The following CABCOCO1 variants were observed in gnomAD, a reference collection of about 807,000 sequenced individuals.
CABCOCO1 encodes ciliary associated calcium binding coiled-coil 1, also known as ciliary-associated calcium-binding coiled-coil protein 1.
Under a neutral mutation model 35.7 loss-of-function variants are expected in CABCOCO1, and 28 were observed. The observed-to-expected ratio is 0.78, with a 90% confidence interval of 0.58 to 1.07. The LOEUF (loss-of-function observed/expected upper bound fraction) is 1.07, where lower values mean the gene tolerates loss of function less well. Ranked by LOEUF, CABCOCO1 falls within the 50% of genes least tolerant of loss-of-function variation. The pLI is 0.00. For synonymous variants in CABCOCO1, 95 were observed against 100.1 expected (o/e 0.95, Z 0.30); for missense variants, 326 against 309.2 (o/e 1.05, Z -0.41).
At chr10:61,696,462 A>C (rs2132005879) in intron 5 of CABCOCO1, among the ~76,000 whole-genome samples, 1 of 152,204 alleles carries the variant, frequency 6.6e-6, no homozygotes, top group South Asian at 2.1e-4. Context: ...AGTCACTGGG[A>C]GAAAACATTT....
intron 2 of CABCOCO1, among the ~76,000 whole-genome samples, chr10:61,680,895 G>A (rs1376718066): frequency 6.6e-6 from 1 of 150,542 alleles, no homozygotes; most frequent in South Asian, 2.1e-4. Context: ...GAAGGGGAGA[G>A]AAGGAGGAGA....
chr10:61,718,381 G>A (rs1405147353), intron 5 of CABCOCO1, among the ~76,000 whole-genome samples: 1 of 152,088 alleles, frequency 6.6e-6, no homozygotes, highest in Non-Finnish European at 1.5e-5. Context: ...AGTCCAAAAA[G>A]TAGTCAATTC....
intron 5 of CABCOCO1, among the ~76,000 whole-genome samples, chr10:61,709,747 T>C (rs1005732645): frequency 2.0e-5 from 3 of 151,970 alleles, no homozygotes; most frequent in Non-Finnish European, 4.4e-5. Context: ...CCCTCATTTC[T>C]CTCATTTTTC....
At chr10:61,741,041 G>T (rs969374244) in intron 5 of CABCOCO1, among the ~76,000 whole-genome samples, 3 of 152,082 alleles carry the variant, frequency 2.0e-5, no homozygotes, top group African/African-American at 7.2e-5. Context: ...CTACTCGGGA[G>T]GCTGAGGCAA....
chr10:61,693,816 G>A (rs1177604767), intron 5 of CABCOCO1, among the ~76,000 whole-genome samples: 1 of 151,950 alleles, frequency 6.6e-6, no homozygotes, highest in African/African-American at 2.4e-5. Flanking sequence ...CAGGGTGTAG[G>A]AGATTCTATA....
chr10:61,708,278 C>T (rs1275244612), intron 5 of CABCOCO1, among the ~76,000 whole-genome samples: 3 of 150,864 alleles, frequency 2.0e-5, no homozygotes, highest in Non-Finnish European at 4.4e-5. Context: ...TAAGGTGTAC[C>T]TTTCTTTCCT....
At chr10:61,677,734 T>G (rs1455688164) in intron 2 of CABCOCO1, among the ~76,000 whole-genome samples, 1 of 150,974 alleles carries the variant, frequency 6.6e-6, no homozygotes, top group Non-Finnish European at 1.5e-5. Flanking sequence ...TGTGATGTTC[T>G]CCTTCCCGTG....
At position 61,695,948 on chromosome 10, in the gene CABCOCO1, G is replaced by C. The variant is rs1398354081; in HGVS notation, c.552+5327G>C. ...AGGAAATACTAATGGGTGCTCTCCA[G>C]GCATAAAGAAAATGATTCCAAACAG... On this transcript the variant is annotated intron_variant, in intron 5 of 7. Transcript: ENST00000648843. Among the ~76,000 whole-genome samples, 3 of 151,908 alleles carry C rather than the reference G, an allele frequency of 2.0e-5. No individual in the cohort carries two copies. The East Asian group carries it at 5.8e-4, about 29-fold the overall frequency.
intron 1 of CABCOCO1, among the ~76,000 whole-genome samples, chr10:61,663,373 GTTT>G (rs754985729): frequency 7.0e-6 from 1 of 143,640 alleles, no homozygotes. Flanking sequence ...GGTTTTTCAT[GTTT>G]TTTTTTTTTT....
intron 5 of CABCOCO1, among the ~76,000 whole-genome samples, chr10:61,728,186 C>T (rs961354150): frequency 1.3e-5 from 2 of 152,108 alleles, no homozygotes; most frequent in Non-Finnish European, 2.9e-5. Flanking sequence ...TCTTTAGCTT[C>T]TTTTAGATCT....
intron 2 of CABCOCO1, among the ~76,000 whole-genome samples, chr10:61,673,022 C>G (rs2131956959): frequency 6.6e-6 from 1 of 152,262 alleles, no homozygotes; most frequent in African/African-American, 2.4e-5. Context: ...CTTCTTTTCT[C>G]TTTCATTCAT....
At position 61,746,212 on chromosome 10, in the gene CABCOCO1, G is replaced by A. The variant is rs147351503; in HGVS notation, c.553-13847G>A. Among the ~76,000 whole-genome samples the A allele has an allele frequency of 9.2e-3, 1,393 of 152,178 alleles. 9 individuals are homozygous for A. The highest frequency in any genetic ancestry group is 0.025 in the South Asian group (121 of 4,818). On this transcript the variant is annotated intron_variant, in intron 5 of 7. Transcript: ENST00000648843. ...CATGTTTATATAAGAGGTTCATCTT[G>A]TTTAAAATGCACTGAGAATCATGGT...
intron 2 of CABCOCO1, among the ~76,000 whole-genome samples, chr10:61,679,281 TTATATCTATATC>T (rs750117600): frequency 6.6e-4 from 93 of 141,034 alleles, no homozygotes; most frequent in African/African-American, 2.1e-3. Flanking sequence ...TAGAATGAGC[TTATATCTATATC>T]TATATCTATA....
At chr10:61,706,052 A>G (rs548441126) in intron 5 of CABCOCO1, among the ~76,000 whole-genome samples, 1 of 152,322 alleles carries the variant, frequency 6.6e-6, no homozygotes, top group South Asian at 2.1e-4. Context: ...AAAATAGAAC[A>G]CAGTTTGAAT....
chr10:61,752,791 A>G (rs191171085), intron 5 of CABCOCO1, among the ~76,000 whole-genome samples: 1 of 103,196 alleles, frequency 9.7e-6, no homozygotes, highest in East Asian at 3.3e-4. Flanking sequence ...ATTTAGCACC[A>G]AAGCTTTTTA....
chr10:61,700,274 A>C (rs183431300), intron 5 of CABCOCO1, among the ~76,000 whole-genome samples: 1 of 152,066 alleles, frequency 6.6e-6, no homozygotes, highest in East Asian at 1.9e-4. Flanking sequence ...TTAAAAATCA[A>C]ACTCTAAAAA....
At chr10:61,718,360 T>C (rs1293607308) in intron 5 of CABCOCO1, among the ~76,000 whole-genome samples, 1 of 152,112 alleles carries the variant, frequency 6.6e-6, no homozygotes, top group Non-Finnish European at 1.5e-5. Flanking sequence ...ACCAATCAAG[T>C]TGTTTGTTTC....
intron 2 of CABCOCO1, among the ~76,000 whole-genome samples, chr10:61,674,528 C>T (rs12778088): frequency 0.016 from 2,372 of 152,210 alleles, 40 homozygotes; most frequent in East Asian, 0.046. Context: ...CAATCGGTCA[C>T]TCACTTTCAA....
In CABCOCO1 at chr10:61,766,502, T is replaced by C. The variant is rs974172882; in HGVS notation, c.*489T>C. 2.6e-5 allele frequency: 2 copies of C among 76,180 alleles called. No homozygotes were observed. The highest frequency in any genetic ancestry group is 1.2e-4 in the African/African-American group (2 of 17,286). The allele number at this position is 76,180 out of a possible 1,614,324, so 4.7% of individuals were successfully genotyped here. On this transcript the variant is annotated 3_prime_UTR_variant, in exon 8 of 8. Coordinates refer to ENST00000648843, the MANE Select transcript of CABCOCO1 (RefSeq NM_001366906.2). ...AACAATAGCAATTCAAATGCATATA[T>C]GAGGTTTTTTTTTTTTTTACTGAAA... is the stretch of plus-strand genomic sequence containing the variant.
Sources: gnomAD v4.1 joint callset for allele counts (sites outside exome capture counted in the v4.1 genomes callset) on GRCh38, gnomAD v4.1.1 for gene constraint, MANE v1.5 for transcripts, NCBI Gene and HGNC (gene_info 2026-07-23, HGNC 2026-07-21) for gene names.